The following CD163 variants were observed in gnomAD, a reference collection of about 807,000 sequenced individuals.
CD163 encodes the protein scavenger receptor cysteine-rich type 1 protein M130.
Under a neutral mutation model 129.2 loss-of-function variants are expected in CD163, and 64 were observed. The observed-to-expected ratio is 0.50, with a 90% confidence interval of 0.41 to 0.61. CD163 has a LOEUF of 0.61. CD163 is among the 20% of genes least tolerant of loss of function. CD163 has a pLI of 0.00. For synonymous variants in CD163, 446 were observed against 478.5 expected (o/e 0.93, Z 0.89); for missense variants, 1,061 against 1,377.9 (o/e 0.77, Z 3.64).
At chr12:7,480,852 G>T in intron 15 of CD163, 1 of 1,005,960 alleles carries the variant, frequency 9.9e-7, no homozygotes, top group African/African-American at 1.7e-5. Context: ...TGTCACTTAT[G>T]ACAATCTTTT....
chr12:7,479,605 G>A (rs986311963), intron 16 of CD163, among the ~76,000 whole-genome samples: 5 of 151,874 alleles, frequency 3.3e-5, no homozygotes, highest in Admixed American at 1.3e-4. Flanking sequence ...AGATTAATTT[G>A]TATTTGTTTA....
In CD163 at chr12:7,486,997, C is replaced by G. The variant is rs201964327; in HGVS notation, c.2051-11G>C. ...TTTGGGACTGGTTTCCTGCAAACAC[C>G]AAGGTACTCAGTCATACAAGACACA... On this transcript the variant is annotated splice_polypyrimidine_tract_variant and intron_variant, in intron 8 of 16. Transcript: ENST00000432237. The G allele has an allele frequency of 1.2e-6, 2 of 1,604,976 alleles. No homozygotes were observed. Among genetic ancestry groups the G allele is most frequent in the East Asian group, 4.5e-5 (2 of 44,796 alleles).
chr12:7,503,638 C>A lies in CD163; in HGVS notation c.46+7G>T, dbSNP rs765516087. The stretch of plus-strand genomic sequence containing the variant: ...GGGGAAATGTAGAATAAATGAGAAG[C>A]TTTTACCAGCAGATCCAGAGTCTTC... On this transcript the variant is annotated splice_region_variant and intron_variant, in intron 1 of 16. Coordinates refer to ENST00000432237, the MANE Select transcript of CD163 (RefSeq NM_203416.4). 27 of 1,587,210 alleles carry A rather than the reference C, an allele frequency of 1.7e-5. No individual in the cohort carries two copies. The South Asian group carries it at 2.7e-4, about 16-fold the overall frequency.
intron 11 of CD163, among the ~76,000 whole-genome samples, chr12:7,484,882 T>C (rs1349313876): frequency 6.6e-6 from 1 of 152,230 alleles, no homozygotes; most frequent in Non-Finnish European, 1.5e-5. Context: ...AGAATAATAA[T>C]AGCTGATCCT....
chr12:7,484,347 G>A (rs1796248927), intron 11 of CD163, among the ~76,000 whole-genome samples: 1 of 152,102 alleles, frequency 6.6e-6, no homozygotes, highest in African/African-American at 2.4e-5. Flanking sequence ...CACAGTTTAA[G>A]AAGATGTAGA....
intron 12 of CD163, 56 bp from the exon 13 acceptor site, chr12:7,483,060 C>A (rs1429599668): frequency 1.9e-6 from 3 of 1,555,430 alleles, no homozygotes; most frequent in East Asian, 2.2e-5. Context: ...ATAGAACAAG[C>A]CTTCTGATTT....
At chr12:7,491,630 CT>C (rs947358777) in intron 6 of CD163, among the ~76,000 whole-genome samples, 3 of 151,950 alleles carry the variant, frequency 2.0e-5, no homozygotes, top group Non-Finnish European at 4.4e-5. Flanking sequence ...GAATTACTTC[CT>C]TTTGTTTAGT....
At chr12:7,497,265 A>G in intron 4 of CD163, 132 bp from the exon 5 acceptor site, 1 of 705,130 alleles carries the variant, frequency 1.4e-6, no homozygotes, top group East Asian at 2.6e-5. Context: ...GATGTACTGT[A>G]CTACCACTGG....
chr12:7,475,937 C>A (rs1949081020), intron 16 of CD163, among the ~76,000 whole-genome samples: 1 of 152,088 alleles, frequency 6.6e-6, no homozygotes, highest in Non-Finnish European at 1.5e-5. Context: ...TTCCTATACA[C>A]CAATAATAGA....
intron 16 of CD163, among the ~76,000 whole-genome samples, chr12:7,474,225 T>A (rs1372741721): frequency 6.6e-6 from 1 of 152,102 alleles, no homozygotes; most frequent in Non-Finnish European, 1.5e-5. Context: ...CTGGACCAAA[T>A]GGACCTAATA....
intron 6 of CD163, 59 bp downstream of exon 6, chr12:7,495,022 T>C: frequency 7.6e-7 from 1 of 1,323,998 alleles, no homozygotes. Context: ...CTTTTCAATT[T>C]CAAAGGTAGT....
chr12:7,480,971 G>A (rs1211459317), intron 15 of CD163, 190 bp downstream of exon 15: 7 of 1,296,486 alleles, frequency 5.4e-6, no homozygotes, highest in Non-Finnish European at 9.8e-7. Flanking sequence ...TAAGCTAAAG[G>A]CCTCCCTATG....
rs771025502 is a variant in CD163, at chr12:7,498,026, C to T, written c.778+842G>A. On this transcript the variant is annotated intron_variant, in intron 4 of 16. Transcript: ENST00000432237. ...ATGACATTGTTCAAGAACCTGAATC[C>T]AACCATGCATGAGGCTAACTATACC... Among the ~76,000 whole-genome samples, 8 of 152,102 alleles carry T rather than the reference C, an allele frequency of 5.3e-5. No individual in the cohort carries two copies. In the South Asian group the frequency reaches 8.3e-4, roughly 16 times the overall value.
chr12:7,490,731 G>A (rs10772424), intron 6 of CD163, among the ~76,000 whole-genome samples: 131,041 of 151,988 alleles, frequency 0.86, 57,934 homozygotes, highest in Non-Finnish European at 0.97. Context: ...ATATGACCAT[G>A]TTCTGTACTA....
At chr12:7,500,095 G>A (rs974023404) in intron 3 of CD163, among the ~76,000 whole-genome samples, 8 of 151,982 alleles carry the variant, frequency 5.3e-5, no homozygotes, top group Admixed American at 5.3e-4. Flanking sequence ...ATGGGAGAGA[G>A]AGAGGCTGGG....
rs1260895766 is a variant in CD163, at chr12:7,499,090, C to G, written c.556G>C (p.Asp186His). The change falls in exon 4 of 17, where the codon GAT becomes CAT. Residue 186 changes from aspartate (D) to histidine (H), a missense_variant. Coordinates refer to ENST00000432237, the MANE Select transcript of CD163 (RefSeq NM_203416.4). ...GATGCATGATCTATGTTGAAGTTATCATCACACACTGTTCCCCACCGTCCT... is the reference window on the plus strand; with the variant it reads ...GATGCATGATCTATGTTGAAGTTATGATCACACACTGTTCCCCACCGTCCT... Reference protein sequence around the residue: ...FQGRWGTVCDDNFNIDHASVI... With the variant: ...FQGRWGTVCDHNFNIDHASVI... 6.2e-7 allele frequency: 1 copy of G among 1,614,112 alleles called. No homozygotes were observed. The highest frequency in any genetic ancestry group is 8.5e-7 in the Non-Finnish European group (1 of 1,179,996).
In CD163 at chr12:7,497,114, C is replaced by T; in HGVS notation, c.798G>A (p.Leu266=). 1.1e-5 allele frequency: 17 copies of T among 1,614,004 alleles called. No individual in the cohort carries two copies. Among genetic ancestry groups the T allele is most frequent in the Non-Finnish European group, 1.4e-5 (17 of 1,179,930 alleles). ...VICSKGADLS[L]RLVDGVTECS... is the part of the protein sequence containing the mutation. ...ATTCAGTGACTCCATCTACCAGTCT[C>T]AGGCTCAGATCTGCTCCCTCTGTAA... The change falls in exon 5 of 17, where the codon CTG becomes CTA. Residue 266 remains leucine, a synonymous_variant. Transcript: ENST00000432237.
chr12:7,502,190 G>A (rs1253760614), intron 2 of CD163, among the ~76,000 whole-genome samples: 1 of 152,154 alleles, frequency 6.6e-6, no homozygotes, highest in Non-Finnish European at 1.5e-5. Context: ...TAATGATTCT[G>A]AAGTTTCTCC....
rs753020548 is a variant in CD163 at position 7,483,563 on chromosome 12, C to T, written c.2892G>A (p.Gln964=). 16 of 1,613,852 alleles carry T rather than the reference C, an allele frequency of 9.9e-6. No individual in the cohort carries two copies. The South Asian group carries it at 1.8e-4, about 18-fold the overall frequency. Residue 964 remains glutamine, a synonymous_variant, in exon 12 of 17, where the codon CAG becomes CAA. Coordinates refer to ENST00000432237, the MANE Select transcript of CD163 (RefSeq NM_203416.4). ...CDDSWDLDDA[Q]VVCQQLGCGP... is the part of the protein sequence containing the mutation. The stretch of plus-strand genomic sequence containing the variant: ...CACAGCCAAGTTGTTGACACACCAC[C>T]TGAGCATCGTCCAAGTCCCAAGAGT...
Sources: gnomAD v4.1 joint callset for allele counts (sites outside exome capture counted in the v4.1 genomes callset) on GRCh38, gnomAD v4.1.1 for gene constraint, MANE v1.5 for transcripts, NCBI Gene and HGNC (gene_info 2026-07-23, HGNC 2026-07-21) for gene names.